Variants in DGKB observed in about 807,000 individuals in gnomAD.
DGKB encodes the protein diacylglycerol kinase beta.
Under a neutral mutation model 114.3 loss-of-function variants are expected in DGKB, and 67 were observed. The observed-to-expected ratio is 0.59, with a 90% CI of 0.48 to 0.72. The LOEUF (loss-of-function observed/expected upper bound fraction) is 0.72, where lower values mean the gene tolerates loss of function less well. DGKB is among the 30% of genes least tolerant of loss of function. DGKB has a pLI of 0.00. For synonymous variants in DGKB, 398 were observed against 323.1 expected (o/e 1.23, Z -2.49); for missense variants, 907 against 975.2 (o/e 0.93, Z 0.93).
intron 2 of DGKB, among the ~76,000 whole-genome samples, chr7:14,768,431 G>A (rs1226168862): frequency 4.1e-5 from 6 of 147,664 alleles, no homozygotes. Context: ...TCCAGGTACA[G>A]CATTCTCTGA....
intron 2 of DGKB, among the ~76,000 whole-genome samples, chr7:14,819,107 T>A (rs1586713065): frequency 6.6e-6 from 1 of 152,188 alleles, no homozygotes; most frequent in Non-Finnish European, 1.5e-5. Context: ...CAGATGCCAA[T>A]GATTCATTCT....
chr7:14,920,161 T>C (rs2158480), intron 1 of DGKB, among the ~76,000 whole-genome samples: 38,918 of 152,016 alleles, frequency 0.26, 8,237 homozygotes, highest in East Asian at 0.81. Flanking sequence ...AAATGATAAT[T>C]TGGACATTAA....
At chr7:14,678,756 A>T (rs1356632297) in intron 12 of DGKB, among the ~76,000 whole-genome samples, 1 of 151,938 alleles carries the variant, frequency 6.6e-6, no homozygotes, top group Non-Finnish European at 1.5e-5. Context: ...TGTTAGGGAG[A>T]TGAGCCAAGA....
In DGKB at chr7:14,661,526, A is replaced by C. The variant is rs887761419; in HGVS notation, c.1134+11403T>G. Among the ~76,000 whole-genome samples the C allele has an allele frequency of 1.7e-4, 26 of 149,954 alleles. No homozygotes were observed. In the East Asian group the frequency reaches 4.6e-3, roughly 26 times the overall value. On this transcript the variant is annotated intron_variant, in intron 13 of 25. Transcript: ENST00000402815. ...TGAGATACCATCTCACACCAGTTAG[A>C]ATGGCAATCATTAAAAAGTCAGGAA...
intron 20 of DGKB, among the ~76,000 whole-genome samples, chr7:14,528,533 C>T (rs1791014548): frequency 6.6e-6 from 1 of 151,962 alleles, no homozygotes; most frequent in African/African-American, 2.4e-5. Context: ...GGTGATTAGT[C>T]ATTGAACTAC....
At chr7:14,175,810 C>CT (rs1254721321) in intron 25 of DGKB, among the ~76,000 whole-genome samples, 4 of 151,356 alleles carry the variant, frequency 2.6e-5, no homozygotes, top group East Asian at 3.9e-4. Context: ...TCCTTAGTGT[C>CT]TTTTTTTTGG....
chr7:14,703,887 T>C (rs79497680), intron 6 of DGKB, among the ~76,000 whole-genome samples: 4,481 of 152,330 alleles, frequency 0.029, 108 homozygotes, highest in Non-Finnish European at 0.049. Flanking sequence ...AAGGATAGTG[T>C]GTACTTAACG....
chr7:14,702,726 G>A (rs1219573921), intron 6 of DGKB, among the ~76,000 whole-genome samples: 2 of 152,080 alleles, frequency 1.3e-5, no homozygotes, highest in Non-Finnish European at 2.9e-5. Context: ...TAATAAAGAT[G>A]TTGATTACTA....
At chr7:14,892,225 T>C (rs985960693) in intron 1 of DGKB, among the ~76,000 whole-genome samples, 29 of 151,246 alleles carry the variant, frequency 1.9e-4, no homozygotes, top group African/African-American at 6.3e-4. Flanking sequence ...TTCCAGGTAA[T>C]ACCAAGATCC....
chr7:14,683,261 A>G (rs1008332295), intron 10 of DGKB, among the ~76,000 whole-genome samples: 1 of 152,138 alleles, frequency 6.6e-6, no homozygotes, highest in African/African-American at 2.4e-5. Context: ...AAAGCCCATG[A>G]GTTTATGTTA....
chr7:14,366,059 T>A (rs1816626124), intron 21 of DGKB, among the ~76,000 whole-genome samples: 1 of 152,110 alleles, frequency 6.6e-6, no homozygotes, highest in Non-Finnish European at 1.5e-5. Context: ...AGGTCAGAAT[T>A]TCTGACTATA....
chr7:14,225,078 C>T (rs1430276733), intron 23 of DGKB, among the ~76,000 whole-genome samples: 3 of 151,946 alleles, frequency 2.0e-5, no homozygotes, highest in Non-Finnish European at 2.9e-5. Flanking sequence ...CCACCAATCT[C>T]CCCCCAATTG....
At chr7:14,201,646 A>T (rs1785906830) in intron 23 of DGKB, among the ~76,000 whole-genome samples, 1 of 151,968 alleles carries the variant, frequency 6.6e-6, no homozygotes, top group Admixed American at 6.6e-5. Context: ...GCAAGTAGGA[A>T]AGTAGGAAAC....
intron 21 of DGKB, among the ~76,000 whole-genome samples, chr7:14,385,766 T>C (rs1251579222): frequency 6.6e-6 from 1 of 152,230 alleles, no homozygotes; most frequent in Non-Finnish European, 1.5e-5. Context: ...AGCATCTCTT[T>C]ATTATCACAT....
At chr7:14,551,189 A>G (rs1358978746) in intron 20 of DGKB, among the ~76,000 whole-genome samples, 7 of 152,210 alleles carry the variant, frequency 4.6e-5, no homozygotes, top group Admixed American at 4.6e-4. Flanking sequence ...CAACCATGCA[A>G]ATATCTATTT....
chr7:14,417,753 A>C (rs1825933689), intron 21 of DGKB, among the ~76,000 whole-genome samples: 1 of 151,964 alleles, frequency 6.6e-6, no homozygotes, highest in Non-Finnish European at 1.5e-5. Flanking sequence ...ACTGCTAGTA[A>C]ATAATTAAAT....
chr7:14,691,350 A>C (rs1822830358), intron 9 of DGKB, among the ~76,000 whole-genome samples: 1 of 152,248 alleles, frequency 6.6e-6, no homozygotes, highest in Non-Finnish European at 1.5e-5. Context: ...CAACCTAACA[A>C]GACAAGCTTC....
chr7:14,484,114 T>C (rs1335187425), intron 20 of DGKB, among the ~76,000 whole-genome samples: 5 of 152,004 alleles, frequency 3.3e-5, no homozygotes, highest in Non-Finnish European at 7.4e-5. Flanking sequence ...TCCTCTTAAT[T>C]TGAATTTGCA....
chr7:14,820,259 C>G (rs938125203), intron 2 of DGKB, among the ~76,000 whole-genome samples: 6 of 151,954 alleles, frequency 3.9e-5, no homozygotes, highest in Non-Finnish European at 8.8e-5. Flanking sequence ...TTTAAAAACA[C>G]CTTTTAGAAA....
Sources: allele counts gnomAD v4.1 joint callset (sites outside exome capture counted in the v4.1 genomes callset), GRCh38; gene constraint gnomAD v4.1.1; transcripts MANE v1.5; gene names NCBI Gene and HGNC (gene_info 2026-07-23, HGNC 2026-07-21).